Variants in NELL1 observed in about 807,000 individuals in gnomAD.
NELL1 encodes the protein protein kinase C-binding protein NELL1.
NELL1 carries 76 observed loss-of-function variants against 107.4 expected under a neutral mutation model. The observed-to-expected ratio is 0.71, with a 90% confidence interval of 0.59 to 0.86. NELL1 has a LOEUF of 0.86. Among genes scored for constraint, NELL1 ranks in the 40% least tolerant of loss-of-function variants. The pLI, the probability that NELL1 is intolerant of heterozygous loss-of-function variation, is 0.00. For synonymous variants in NELL1, 353 were observed against 341.2 expected (o/e 1.03, Z -0.38); for missense variants, 1,024 against 1,005.5 (o/e 1.02, Z -0.25).
intron 13 of NELL1, among the ~76,000 whole-genome samples, chr11:21,145,867 A>G (rs974497501): frequency 1.3e-5 from 2 of 152,160 alleles, no homozygotes; most frequent in Non-Finnish European, 2.9e-5. Context: ...TTCTTTCACA[A>G]CCTCAGGGGT....
intron 15 of NELL1, among the ~76,000 whole-genome samples, chr11:21,393,052 C>T (rs1851913121): frequency 6.7e-6 from 1 of 150,322 alleles, no homozygotes; most frequent in South Asian, 2.1e-4. Flanking sequence ...AATATAATTT[C>T]AAGTGATTTG....
At chr11:21,163,927 C>A (rs75851395) in intron 13 of NELL1, among the ~76,000 whole-genome samples, 4,261 of 152,108 alleles carry the variant, frequency 0.028, 198 homozygotes, top group African/African-American at 0.097. Context: ...GATGCAGTCT[C>A]TAACATTCAT....
chr11:20,868,615 A>G (rs1849138442), intron 4 of NELL1, among the ~76,000 whole-genome samples: 1 of 152,132 alleles, frequency 6.6e-6, no homozygotes, highest in Non-Finnish European at 1.5e-5. Context: ...AAATGGGTGA[A>G]TTGTACATGA....
chr11:20,727,835 A>G (rs1021345457), intron 2 of NELL1, among the ~76,000 whole-genome samples: 18 of 151,996 alleles, frequency 1.2e-4, no homozygotes, highest in Admixed American at 7.2e-4. Context: ...TTTTCCCGGA[A>G]CCTCAAATGG....
chr11:21,390,231 A>G (rs1851836794), intron 15 of NELL1, among the ~76,000 whole-genome samples: 1 of 151,426 alleles, frequency 6.6e-6, no homozygotes, highest in South Asian at 2.1e-4. Flanking sequence ...TGGCCCTTTT[A>G]TTTATTGTGC....
At chr11:21,219,533 TA>T (rs1189067265) in intron 13 of NELL1, among the ~76,000 whole-genome samples, 1 of 152,178 alleles carries the variant, frequency 6.6e-6, no homozygotes, top group East Asian at 1.9e-4. Context: ...TTTGAAGTCT[TA>T]CCCTAAAATC....
intron 13 of NELL1, among the ~76,000 whole-genome samples, chr11:21,171,911 G>A (rs1856615405): frequency 6.6e-6 from 1 of 151,734 alleles, no homozygotes; most frequent in Non-Finnish European, 1.5e-5. Context: ...TTAGTAAGAT[G>A]TTTTTATTGT....
intron 12 of NELL1, among the ~76,000 whole-genome samples, chr11:21,027,919 T>G (rs1023621205): frequency 2.0e-5 from 3 of 152,146 alleles, no homozygotes; most frequent in Non-Finnish European, 4.4e-5. Context: ...CTGTGCTTCA[T>G]GCAATGCTGA....
At chr11:21,157,782 C>T (rs2133795344) in intron 13 of NELL1, among the ~76,000 whole-genome samples, 1 of 152,260 alleles carries the variant, frequency 6.6e-6, no homozygotes, top group Admixed American at 6.5e-5. Flanking sequence ...CTCTCTATGC[C>T]TCAGTTTTCT....
intron 15 of NELL1, among the ~76,000 whole-genome samples, chr11:21,511,661 A>C (rs1186003944): frequency 6.6e-6 from 1 of 152,206 alleles, no homozygotes; most frequent in Non-Finnish European, 1.5e-5. Context: ...TTGAACTGCG[A>C]GCTAAATAAA....
chr11:20,749,772 C>T (rs1856091806), intron 2 of NELL1, among the ~76,000 whole-genome samples: 1 of 152,100 alleles, frequency 6.6e-6, no homozygotes, highest in African/African-American at 2.4e-5. Flanking sequence ...CTACCCCCCA[C>T]TATTTAGCTT....
chr11:20,932,200 T>A (rs559386439), intron 9 of NELL1, among the ~76,000 whole-genome samples: 2 of 151,802 alleles, frequency 1.3e-5, no homozygotes, highest in East Asian at 3.9e-4. Flanking sequence ...CTTGGAGGTT[T>A]CCAGGGCTCC....
intron 14 of NELL1, among the ~76,000 whole-genome samples, chr11:21,246,479 A>T (rs563572865): frequency 8.5e-5 from 13 of 152,186 alleles, no homozygotes; most frequent in African/African-American, 3.1e-4. Context: ...AATGATGGAG[A>T]TATGTTCTGA....
intron 12 of NELL1, among the ~76,000 whole-genome samples, chr11:20,968,510 A>G (rs566787448): frequency 1.5e-4 from 23 of 152,290 alleles, no homozygotes; most frequent in African/African-American, 5.1e-4. Flanking sequence ...GCTAATACTC[A>G]GTTCATGTAA....
At chr11:21,073,861 T>C (rs189290561) in intron 12 of NELL1, among the ~76,000 whole-genome samples, 1 of 152,322 alleles carries the variant, frequency 6.6e-6, no homozygotes, top group Admixed American at 6.5e-5. Flanking sequence ...AATTTTTCAA[T>C]TATCTGTTTA....
In NELL1 at chr11:21,370,850, C is replaced by T. The variant is rs780801938; in HGVS notation, c.1550-3C>T. 9 of 1,610,210 alleles carry T rather than the reference C, an allele frequency of 5.6e-6. No homozygotes were observed. Among genetic ancestry groups the T allele is most frequent in the African/African-American group, 2.7e-5 (2 of 74,874 alleles). The stretch of plus-strand genomic sequence containing the variant: ...AGATAAATACTTTGTTCTCTTGCAA[C>T]AGCTTTCTGTGAAGAGGGCTGCAGA... On this transcript the variant is annotated splice_region_variant and splice_polypyrimidine_tract_variant and intron_variant, in intron 14 of 19. Coordinates refer to ENST00000357134, the MANE Select transcript of NELL1 (RefSeq NM_006157.5).
Position 21,473,494 on chromosome 11 carries a change from G to A in NELL1, c.1646-60880G>A, listed in dbSNP as rs540486333. Among the ~76,000 whole-genome samples the A allele has an allele frequency of 2.6e-5, 4 of 151,970 alleles. No homozygotes were observed. In the South Asian group the frequency reaches 6.2e-4, roughly 24 times the overall value. On this transcript the variant is annotated intron_variant, in intron 15 of 19. Transcript: ENST00000357134. ...TAAGATTACCTGTTCATATTTTAAC[G>A]AGGAGTTTCTAAGAAGTGACCCTAA...
At chr11:21,377,277 G>A (rs920838824) in intron 15 of NELL1, among the ~76,000 whole-genome samples, 1 of 152,006 alleles carries the variant, frequency 6.6e-6, no homozygotes, top group Non-Finnish European at 1.5e-5. Flanking sequence ...TTTATCAAAA[G>A]CATTTTCTGC....
At chr11:21,493,995 A>T (rs192826156) in intron 15 of NELL1, among the ~76,000 whole-genome samples, 1 of 151,948 alleles carries the variant, frequency 6.6e-6, no homozygotes, top group Non-Finnish European at 1.5e-5. Context: ...CAACACCCCA[A>T]TAATCATTAT....
Sources: gnomAD v4.1 joint callset for allele counts (sites outside exome capture counted in the v4.1 genomes callset) on GRCh38, gnomAD v4.1.1 for gene constraint, MANE v1.5 for transcripts, NCBI Gene and HGNC (gene_info 2026-07-23, HGNC 2026-07-21) for gene names.